Variants in FAT3 observed in about 807,000 individuals in gnomAD.
FAT3 encodes protocadherin Fat 3.
In FAT3, 95 loss-of-function variants were observed where a neutral mutation model predicts 310.2. The observed-to-expected ratio is 0.31, with a 90% CI of 0.26 to 0.36. FAT3 has a LOEUF of 0.36. FAT3 is among the 10% of genes least tolerant of loss of function. The pLI is 1.00. For synonymous variants in FAT3, 2,314 were observed against 2,192.9 expected (o/e 1.06, Z -1.54); for missense variants, 5,408 against 5,715.6 (o/e 0.95, Z 1.74).
At chr11:92,412,733 AT>A (rs1565296374) in intron 2 of FAT3, among the ~76,000 whole-genome samples, 3,421 of 52,944 alleles carry the variant, frequency 0.065, 532 homozygotes, top group African/African-American at 0.22. Context: ...ATATATATAT[AT>A]ATATATATAT....
chr11:92,799,681 T>C lies in FAT3; in HGVS notation c.6668T>C (p.Ile2223Thr), dbSNP rs750966868. Residue 2223 changes from isoleucine to threonine, a missense_variant, in exon 10 of 28, where the codon ATC becomes ACC. Transcript: ENST00000525166. The part of the protein sequence containing the change: ...PEGQGIIYII[I>T]DGDPFKQFNI... Reference sequence around the variant, plus strand: ...GGCCAAGGCATCATATATATCATTATCGATGGGGACCCTTTTAAACAGTTT... The same window carrying C: ...GGCCAAGGCATCATATATATCATTACCGATGGGGACCCTTTTAAACAGTTT... 6.2e-7 allele frequency: 1 copy of C among 1,613,564 alleles called. No individual in the cohort carries two copies. The highest frequency in any genetic ancestry group is 1.7e-5 in the Admixed American group (1 of 59,966).
rs530939251 is a variant in FAT3 at position 92,585,299 on chromosome 11, A to G, written c.3607+60351A>G. Among the ~76,000 whole-genome samples the G allele has an allele frequency of 2.0e-4, 30 of 152,164 alleles. 1 individual carries two copies. In the South Asian group the frequency reaches 5.4e-3, roughly 27 times the overall value. Reference sequence around the variant, plus strand: ...ACTTTCTGTAGTTTGTATTATCAACATTCTTGCCAGGACATCTTAAGGTAA... The same window carrying G: ...ACTTTCTGTAGTTTGTATTATCAACGTTCTTGCCAGGACATCTTAAGGTAA... On this transcript the variant is annotated intron_variant, in intron 3 of 27. Transcript: ENST00000525166.
Position 92,800,669 on chromosome 11 carries a change from C to T in FAT3, c.7656C>T (p.Val2552=), listed in dbSNP as rs1255037628. The T allele has an allele frequency of 2.5e-6, 4 of 1,613,646 alleles. No individual in the cohort carries two copies. The highest frequency in any genetic ancestry group is 3.3e-5 in the Admixed American group (2 of 59,984). ...DRFLIDSNGQ[V]ITTERLDREN... ...TCCTCATAGACAGCAATGGGCAGGT[C>T]ATCACCACAGAAAGGCTAGACCGGG... Residue 2552 remains valine (V), a synonymous_variant, in exon 10 of 28, where the codon GTC becomes GTT. Transcript: ENST00000525166.
At chr11:92,279,539 C>CA (rs1389213128) in intron 1 of FAT3, among the ~76,000 whole-genome samples, 12 of 151,826 alleles carry the variant, frequency 7.9e-5, no homozygotes, top group Non-Finnish European at 1.6e-4. Context: ...ACACACCCAC[C>CA]AAAAAAAGAG....
chr11:92,295,162 C>T (rs909689666), intron 1 of FAT3, among the ~76,000 whole-genome samples: 4 of 152,088 alleles, frequency 2.6e-5, no homozygotes, highest in Non-Finnish European at 4.4e-5. Context: ...TTACTACTTG[C>T]CATAAACTCT....
chr11:92,442,081 TTATATATATATATA>T lies in FAT3; in HGVS notation c.3293-82535_3293-82522del, dbSNP rs869247397. Among the ~76,000 whole-genome samples, 131 of 69,940 alleles carry T rather than the reference TTATATATATATATA, an allele frequency of 1.9e-3. 3 individuals are homozygous for T. The highest frequency in any genetic ancestry group is 7.6e-3 in the African/African-American group (92 of 12,128). 45.9% of individuals were successfully genotyped at this position (69,940 alleles called of 152,430 possible). On this transcript the variant is annotated intron_variant, in intron 2 of 27. Transcript: ENST00000525166. ...GTGCAAAACTTAAGAAATATATATT[TTATATATATATATA>T]TATATATATATATATATTTTTTTTT...
intron 4 of FAT3, among the ~76,000 whole-genome samples, chr11:92,713,382 A>G (rs1944583918): frequency 6.6e-6 from 1 of 152,236 alleles, no homozygotes; most frequent in Non-Finnish European, 1.5e-5. Flanking sequence ...AGTTGTCAGA[A>G]CACTAAACTC....
At chr11:92,791,732 A>C (rs918090255) in intron 8 of FAT3, among the ~76,000 whole-genome samples, 2 of 152,006 alleles carry the variant, frequency 1.3e-5, no homozygotes, top group African/African-American at 4.8e-5. Context: ...GCAGGTATGG[A>C]GTTTAAAATT....
chr11:92,320,613 A>C (rs770253095), intron 1 of FAT3, among the ~76,000 whole-genome samples: 1 of 152,148 alleles, frequency 6.6e-6, no homozygotes, highest in Non-Finnish European at 1.5e-5. Context: ...CACGCCTGTA[A>C]TCCCAGCACT....
In FAT3 at chr11:92,844,147, A is replaced by C. The variant is rs772730652; in HGVS notation, c.10780A>C (p.Ser3594Arg). 1.2e-6 allele frequency: 2 copies of C among 1,614,014 alleles called. No homozygotes were observed. The highest frequency in any genetic ancestry group is 1.7e-6 in the Non-Finnish European group (2 of 1,179,902). ...LTFALKSEQKSLFKVNSHDGK... is the reference protein window; with the variant it reads ...LTFALKSEQKRLFKVNSHDGK... Reference sequence around the variant, plus strand: ...ATTTGCCCTGAAATCGGAGCAGAAAAGCTTATTTAAAGTGAACAGTCACGA... The same window carrying C: ...ATTTGCCCTGAAATCGGAGCAGAAACGCTTATTTAAAGTGAACAGTCACGA... The change falls in exon 19 of 28, where the codon AGC becomes CGC. Residue 3594 changes from serine (S) to arginine (R), a missense_variant. Transcript: ENST00000525166.
At chr11:92,514,931 T>C (rs796575169) in intron 2 of FAT3, among the ~76,000 whole-genome samples, 25 of 152,270 alleles carry the variant, frequency 1.6e-4, no homozygotes, top group African/African-American at 6.0e-4. Context: ...AACTGCCCAG[T>C]AAATGGTGAG....
At chr11:92,475,271 C>T (rs1244809463) in intron 2 of FAT3, among the ~76,000 whole-genome samples, 2 of 152,178 alleles carry the variant, frequency 1.3e-5, no homozygotes, top group Non-Finnish European at 2.9e-5. Flanking sequence ...TTTTAATGAT[C>T]TCTTCCAAGA....
intron 3 of FAT3, among the ~76,000 whole-genome samples, chr11:92,560,868 C>A (rs1320600276): frequency 2.0e-5 from 3 of 152,140 alleles, no homozygotes; most frequent in Admixed American, 6.5e-5. Context: ...TACTTCTTTT[C>A]TGTTATTCCA....
Position 92,800,074 on chromosome 11 carries a change from A to G in FAT3, c.7061A>G (p.His2354Arg), listed in dbSNP as rs1250574584. The change falls in exon 10 of 28, where the codon CAT (histidine) becomes CGT (arginine). Residue 2354 changes from histidine (H) to arginine (R), a missense_variant. This residue lies in a region of FAT3 where 4,588 missense variants were observed against 4,809.8 expected (regional missense o/e 0.95). Coordinates refer to ENST00000525166, the MANE Select transcript of FAT3 (RefSeq NM_001367949.2). ...ATCCTGACAGCACGAATGCTGGACC[A>G]TGAGTTAGTACAACACTGCACTTTG... ...GLILTARMLD[H>R]ELVQHCTLKV... 12 of 1,614,032 alleles carry G rather than the reference A, an allele frequency of 7.4e-6. No homozygotes were observed. Among genetic ancestry groups the G allele is most frequent in the Non-Finnish European group, 1.0e-5 (12 of 1,179,882 alleles).
intron 2 of FAT3, among the ~76,000 whole-genome samples, chr11:92,443,410 A>G (rs554567221): frequency 1.1e-4 from 16 of 152,174 alleles, no homozygotes; most frequent in Admixed American, 2.0e-4. Flanking sequence ...ACACAGCTCA[A>G]TTTTTAAAAT....
At chr11:92,440,030 G>T (rs927629385) in intron 2 of FAT3, among the ~76,000 whole-genome samples, 1 of 152,158 alleles carries the variant, frequency 6.6e-6, no homozygotes. Flanking sequence ...GATTGGCTAA[G>T]GGTTACTGGT....
chr11:92,375,846 T>TA lies in FAT3; in HGVS notation c.3292+20450dup, dbSNP rs571887227. Among the ~76,000 whole-genome samples, 33 of 152,140 alleles carry TA rather than the reference T, an allele frequency of 2.2e-4. No homozygotes were observed. In the East Asian group the frequency reaches 5.4e-3, roughly 25 times the overall value. ...GTTCACATTTTGTTGTTTACTGACC[T>TA]AAAAAAAATCATAGCTAACATCTGA... On this transcript the variant is annotated intron_variant, in intron 2 of 27. Transcript: ENST00000525166.
chr11:92,825,837 C>T (rs1401104196), intron 13 of FAT3, among the ~76,000 whole-genome samples: 2 of 151,952 alleles, frequency 1.3e-5, no homozygotes, highest in Non-Finnish European at 2.9e-5. Flanking sequence ...TCCCTTAAGG[C>T]AGTCTAGGCA....
At chr11:92,698,599 T>TATC (rs570031291) in intron 4 of FAT3, among the ~76,000 whole-genome samples, 4 of 152,138 alleles carry the variant, frequency 2.6e-5, no homozygotes, top group Non-Finnish European at 5.9e-5. Context: ...GGATTATTAT[T>TATC]ATTATTATCA....
Sources: allele counts gnomAD v4.1 joint callset (sites outside exome capture counted in the v4.1 genomes callset), GRCh38; gene constraint gnomAD v4.1.1; regional missense constraint gnomAD v4.1.1; transcripts MANE v1.5; gene names NCBI Gene and HGNC (gene_info 2026-07-23, HGNC 2026-07-21).